The following SORBS2 variants were observed in gnomAD, a reference collection of about 807,000 sequenced individuals.
SORBS2 encodes sorbin and SH3 domain-containing protein 2.
Under a neutral mutation model 97.7 loss-of-function variants are expected in SORBS2, and 46 were observed. The ratio of observed to expected loss-of-function variants is 0.47; its 90% CI spans 0.37 to 0.60. SORBS2 has a LOEUF of 0.60. Among genes scored for constraint, SORBS2 ranks in the 20% least tolerant of loss-of-function variants. The pLI is 0.00. For missense variants in SORBS2, 1,316 were observed against 1,282.3 expected (o/e 1.03, Z -0.40); for synonymous variants, 476 against 473.4 (o/e 1.01, Z -0.07).
At chr4:185,923,698 G>A (rs187429544) in intron 1 of SORBS2, among the ~76,000 whole-genome samples, 9 of 152,058 alleles carry the variant, frequency 5.9e-5, no homozygotes, top group Admixed American at 2.0e-4. Flanking sequence ...CTCTGGAAGT[G>A]TAAGCTCTAC....
intron 1 of SORBS2, among the ~76,000 whole-genome samples, chr4:185,870,395 G>A (rs1366099799): frequency 1.3e-5 from 2 of 152,142 alleles, no homozygotes; most frequent in African/African-American, 2.4e-5. Context: ...GACCCAATGC[G>A]GGCATCCCAA....
chr4:185,828,884 C>A (rs1218263560), intron 1 of SORBS2, among the ~76,000 whole-genome samples: 1 of 152,174 alleles, frequency 6.6e-6, no homozygotes, highest in Non-Finnish European at 1.5e-5. Flanking sequence ...TTCAAGCATC[C>A]TGTTCTTTTC....
At chr4:185,808,979 C>G (rs2099168098) in intron 1 of SORBS2, among the ~76,000 whole-genome samples, 1 of 151,996 alleles carries the variant, frequency 6.6e-6, no homozygotes, top group Admixed American at 6.6e-5. Flanking sequence ...GTAAAATTTT[C>G]CCTCGGGAAA....
chr4:185,592,435 T>TAAAC (rs1266524241), intron 13 of SORBS2, among the ~76,000 whole-genome samples: 1 of 152,232 alleles, frequency 6.6e-6, no homozygotes, highest in Non-Finnish European at 1.5e-5. Context: ...GCAATAAACC[T>TAAAC]AAACAGCCCT....
chr4:185,686,647 G>A (rs1463840106), intron 2 of SORBS2, among the ~76,000 whole-genome samples: 4 of 152,246 alleles, frequency 2.6e-5, no homozygotes, highest in African/African-American at 9.6e-5. Context: ...AAATGGTTGT[G>A]TAGTCAAAGG....
intron 2 of SORBS2, among the ~76,000 whole-genome samples, chr4:185,699,241 A>G (rs1043690403): frequency 6.6e-6 from 1 of 151,464 alleles, no homozygotes; most frequent in Non-Finnish European, 1.5e-5. Context: ...CTTAAAATTT[A>G]AGTAATACAT....
intron 1 of SORBS2, among the ~76,000 whole-genome samples, chr4:185,925,601 T>TAAAA (rs2099263219): frequency 6.6e-6 from 1 of 152,180 alleles, no homozygotes; most frequent in South Asian, 2.1e-4. Flanking sequence ...AGATACATTT[T>TAAAA]GGAAATATAT....
chr4:185,810,035 G>C (rs1274005007), intron 1 of SORBS2, among the ~76,000 whole-genome samples: 1 of 152,174 alleles, frequency 6.6e-6, no homozygotes, highest in Non-Finnish European at 1.5e-5. Flanking sequence ...TTACTTAGCT[G>C]ATATTTTTGC....
At chr4:185,848,618 CTTTTTTTTTTTTTTTTTTTTTTT>C (rs537195530) in intron 1 of SORBS2, among the ~76,000 whole-genome samples, 7 of 75,636 alleles carry the variant, frequency 9.3e-5, no homozygotes, top group Non-Finnish European at 1.2e-4. Context: ...AAGGATATCT[CTTTTTTTTTTTTTTTTTTTTTTT>C]TTTTTTTTTT....
intron 1 of SORBS2, among the ~76,000 whole-genome samples, chr4:185,806,421 C>G (rs989231341): frequency 1.4e-5 from 2 of 145,442 alleles, no homozygotes; most frequent in African/African-American, 5.2e-5. Flanking sequence ...TGGCACAGCT[C>G]TTGGCTAGAA....
At chr4:185,688,744 T>C (rs1357653148) in intron 2 of SORBS2, among the ~76,000 whole-genome samples, 1 of 152,138 alleles carries the variant, frequency 6.6e-6, no homozygotes, top group East Asian at 1.9e-4. Context: ...AGGCAATATA[T>C]GTGTGTATAT....
chr4:185,924,616 C>T (rs184861162), intron 1 of SORBS2, among the ~76,000 whole-genome samples: 19 of 152,152 alleles, frequency 1.2e-4, no homozygotes, highest in African/African-American at 3.6e-4. Context: ...TGGCGCCCTG[C>T]ATTTGCATAT....
exon 1 of SORBS2, chr4:185,656,682 T>C (rs1361355297): frequency 6.5e-7 from 1 of 1,550,312 alleles, no homozygotes; most frequent in Non-Finnish European, 8.7e-7. Flanking sequence ...AGCCTTCTCT[T>C]CCAGTGGACT....
chr4:185,933,303 A>G (rs1307352330), intron 1 of SORBS2: 1 of 152,172 alleles, frequency 6.6e-6, no homozygotes, highest in African/African-American at 2.4e-5. Context: ...AATCATCGTG[A>G]ACTGTGGTAT....
chr4:185,837,284 A>G (rs2099208620), intron 1 of SORBS2, among the ~76,000 whole-genome samples: 1 of 152,158 alleles, frequency 6.6e-6, no homozygotes, highest in African/African-American at 2.4e-5. Flanking sequence ...AGAACTGCCT[A>G]CAAGTTGCAA....
At chr4:185,712,983 T>C (rs564420246) in intron 2 of SORBS2, among the ~76,000 whole-genome samples, 2 of 152,308 alleles carry the variant, frequency 1.3e-5, no homozygotes, top group Middle Eastern at 3.4e-3. Context: ...CCTTCCTCCA[T>C]TGACATCACC....
At chr4:185,903,872 A>G (rs750635126) in intron 1 of SORBS2, among the ~76,000 whole-genome samples, 2 of 152,244 alleles carry the variant, frequency 1.3e-5, no homozygotes, top group Admixed American at 1.3e-4. Flanking sequence ...CAGAGCATGC[A>G]GAGAACTACA....
intron 1 of SORBS2, among the ~76,000 whole-genome samples, chr4:185,937,955 C>T (rs2099269776): frequency 6.6e-6 from 1 of 151,800 alleles, no homozygotes; most frequent in African/African-American, 2.4e-5. Flanking sequence ...ACCACTACTG[C>T]TGTTCAGAGA....
At chr4:185,634,618 G>A (rs1426391566) in intron 4 of SORBS2, among the ~76,000 whole-genome samples, 1 of 151,948 alleles carries the variant, frequency 6.6e-6, no homozygotes, top group African/African-American at 2.4e-5. Flanking sequence ...AATCATTTCT[G>A]CCTGTATCAT....
Sources: gnomAD v4.1 joint callset for allele counts (sites outside exome capture counted in the v4.1 genomes callset) on GRCh38, gnomAD v4.1.1 for gene constraint, MANE v1.5 for transcripts, NCBI Gene and HGNC (gene_info 2026-07-23, HGNC 2026-07-21) for gene names.